The following TFAP4 variants were observed in gnomAD, a reference collection of about 807,000 sequenced individuals.
TFAP4 encodes the protein transcription factor AP-4.
In TFAP4, 7 loss-of-function variants were observed where a neutral mutation model predicts 40.4. The ratio of observed to expected loss-of-function variants is 0.17; its 90% CI spans 0.10 to 0.33. The LOEUF (loss-of-function observed/expected upper bound fraction) is 0.33, where lower values mean the gene tolerates loss of function less well. Among genes scored for constraint, TFAP4 ranks in the 10% least tolerant of loss-of-function variants. TFAP4 has a pLI of 1.00. For synonymous variants in TFAP4, 218 were observed against 181.4 expected (o/e 1.20, Z -1.62); for missense variants, 374 against 451.1 (o/e 0.83, Z 1.55).
At chr16:4,268,660 C>T (rs771766419) in intron 1 of TFAP4, among the ~76,000 whole-genome samples, 2 of 152,072 alleles carry the variant, frequency 1.3e-5, no homozygotes, top group African/African-American at 2.4e-5. Flanking sequence ...GGCATGATCT[C>T]GGCTTACTGT....
At chr16:4,258,934 C>G (rs535430305) in intron 6 of TFAP4, 1 of 151,766 alleles carries the variant, frequency 6.6e-6, no homozygotes, top group Non-Finnish European at 1.5e-5. Context: ...ACTAAAAATA[C>G]AAAATTTGCC....
chr16:4,265,625 A>AAAG (rs2052988167), intron 1 of TFAP4: 1 of 151,214 alleles, frequency 6.6e-6, no homozygotes, highest in Non-Finnish European at 1.5e-5. Flanking sequence ...AAAAAAAAAA[A>AAAG]AAAAAAAAAA....
intron 1 of TFAP4, among the ~76,000 whole-genome samples, chr16:4,271,219 A>T (rs541037398): frequency 5.1e-4 from 77 of 152,318 alleles, no homozygotes; most frequent in African/African-American, 1.8e-3. Context: ...AGGGTTGGGC[A>T]GGAGTGTCTA....
chr16:4,266,904 C>G (rs1237789558), intron 1 of TFAP4: 2 of 152,270 alleles, frequency 1.3e-5, no homozygotes, highest in Non-Finnish European at 2.9e-5. Flanking sequence ...CTCTATTGCC[C>G]AGGCTGGAGT....
intron 1 of TFAP4, among the ~76,000 whole-genome samples, chr16:4,271,059 T>C (rs1037843322): frequency 6.6e-6 from 1 of 152,276 alleles, no homozygotes; most frequent in African/African-American, 2.4e-5. Context: ...GAATTTTTTT[T>C]ACTTATTATT....
intron 1 of TFAP4, chr16:4,265,740 G>A (rs2052989730): frequency 2.0e-5 from 3 of 152,066 alleles, no homozygotes; most frequent in Admixed American, 2.0e-4. Context: ...CCAGTGGGGT[G>A]GCCGAGATTA....
rs60341751 is a variant in TFAP4, at chr16:4,260,462, C to A, written c.659G>T (p.Arg220Leu). The change falls in exon 5 of 7, where the codon CGG becomes CTG. Residue 220 changes from arginine to leucine, a missense_variant. By Grantham distance (102) the Arg-to-Leu change is moderately radical. Transcript: ENST00000204517. ...CGGGCGCCTCCTGCTCACCTGGGTC[C>A]GCAGCTGCTGCTGTTCCCGCTCCAG... Reference protein sequence around the residue: ...EKLEREQQQLRTQLLPPPAPT... With the variant: ...EKLEREQQQLLTQLLPPPAPT... The A allele has an allele frequency of 6.9e-6, 11 of 1,589,834 alleles. No individual in the cohort carries two copies. The South Asian group carries it at 1.1e-4, about 16-fold the overall frequency.
At position 4,260,464 on chromosome 16, in the gene TFAP4, C is replaced by A. The variant is rs748246936; in HGVS notation, c.657G>T (p.Leu219=). Residue 219 remains leucine, a synonymous_variant, in exon 5 of 7, where the codon CTG becomes CTT. Coordinates refer to ENST00000204517, the MANE Select transcript of TFAP4 (RefSeq NM_003223.3). ...GGCGCCTCCTGCTCACCTGGGTCCG[C>A]AGCTGCTGCTGTTCCCGCTCCAGCT... ...QEKLEREQQQ[L]RTQLLPPPAP... The A allele has an allele frequency of 6.3e-7, 1 of 1,592,186 alleles. No homozygotes were observed. Among genetic ancestry groups the A allele is most frequent in the Middle Eastern group, 1.7e-4 (1 of 5,934 alleles).
At chr16:4,260,631 C>G in intron 4 of TFAP4, 36 bp from the exon 5 acceptor site, 1 of 1,554,626 alleles carries the variant, frequency 6.4e-7, no homozygotes, top group Non-Finnish European at 8.7e-7. Context: ...GGGCCAAGGC[C>G]GGGAGCACAC....
At chr16:4,270,289 G>T (rs578192164) in intron 1 of TFAP4, among the ~76,000 whole-genome samples, 1 of 152,322 alleles carries the variant, frequency 6.6e-6, no homozygotes, top group South Asian at 2.1e-4. Context: ...TTAGGCGACA[G>T]GTCCAAAACC....
chr16:4,271,059 TA>T (rs895310240), intron 1 of TFAP4, among the ~76,000 whole-genome samples: 2 of 152,276 alleles, frequency 1.3e-5, no homozygotes, highest in African/African-American at 4.8e-5. Context: ...GAATTTTTTT[TA>T]CTTATTATTA....
rs750181453 is a variant in TFAP4 at position 4,260,450 on chromosome 16, C to T, written c.666+5G>A. On this transcript the variant is annotated splice_donor_5th_base_variant and intron_variant, in intron 5 of 6. Transcript: ENST00000204517. ...AGAGCCCACTCCCGGGCGCCTCCTG[C>T]TCACCTGGGTCCGCAGCTGCTGCTG... 2.5e-6 allele frequency: 4 copies of T among 1,576,456 alleles called. No homozygotes were observed. The African/African-American group carries it at 5.4e-5, about 21-fold the overall frequency.
intron 1 of TFAP4, 56 bp downstream of exon 1, chr16:4,272,602 G>A (rs1457687592): frequency 1.5e-5 from 22 of 1,428,756 alleles, no homozygotes; most frequent in Non-Finnish European, 1.4e-5. Context: ...CCGCCCGGGC[G>A]GGCTGGCCGG....
Position 4,257,851 on chromosome 16 carries a change from G to C in TFAP4, c.*204C>G. The C allele has an allele frequency of 3.8e-6, 2 of 532,030 alleles. No individual in the cohort carries two copies. Among genetic ancestry groups the C allele is most frequent in the Non-Finnish European group, 3.2e-6 (1 of 308,216 alleles). 33.0% of individuals were successfully genotyped at this position (532,030 alleles called of 1,614,324 possible). A position where few individuals can be genotyped will look rare whatever the true frequency, so the allele number is the denominator to read the frequency against. On this transcript the variant is annotated 3_prime_UTR_variant, in exon 7 of 7. Transcript: ENST00000204517. Reference sequence around the variant, plus strand: ...CCCTGGGGTGCCGATGCTCCCACACGCTCTGCGACACCCCAGCCCCGGGAC... The same window carrying C: ...CCCTGGGGTGCCGATGCTCCCACACCCTCTGCGACACCCCAGCCCCGGGAC...
chr16:4,258,045 G>T lies in TFAP4; in HGVS notation c.*10C>A, dbSNP rs536555461. ...AGCCCCCAGAAGGGAGAGGAGGGCT[G>T]GGGGGGTAGTCAGGGAAGCTCCCCG... On this transcript the variant is annotated 3_prime_UTR_variant, in exon 7 of 7. Coordinates refer to ENST00000204517, the MANE Select transcript of TFAP4 (RefSeq NM_003223.3). 8.7e-5 allele frequency: 140 copies of T among 1,603,566 alleles called. No homozygotes were observed. In the East Asian group the frequency reaches 9.6e-4, roughly 11 times the overall value.
Position 4,260,517 on chromosome 16 carries a change from CCTG to C in TFAP4, c.601_603del (p.Gln201del), listed in dbSNP as rs763806202. On this transcript the variant is annotated inframe_deletion, in exon 5 of 7. Transcript: ENST00000204517. ...TCCTGGTGCAGCAGCCTCACCTGTTCCTGCTGCTGCTGCAGCTGCACCTGCTGC... is the reference window on the plus strand; with the variant it reads ...TCCTGGTGCAGCAGCCTCACCTGTTCCTGCTGCTGCAGCTGCACCTGCTGC... The C allele has an allele frequency of 6.2e-7, 1 of 1,610,142 alleles. No individual in the cohort carries two copies. Among genetic ancestry groups the C allele is most frequent in the Admixed American group, 1.7e-5 (1 of 59,640 alleles).
At chr16:4,269,683 G>A (rs2053026021) in intron 1 of TFAP4, among the ~76,000 whole-genome samples, 1 of 151,444 alleles carries the variant, frequency 6.6e-6, no homozygotes, top group South Asian at 2.1e-4. Context: ...GGTGGAGCGG[G>A]CCTGTAGTCC....
intron 4 of TFAP4, 93 bp downstream of exon 4, chr16:4,261,686 G>T: frequency 1.5e-6 from 2 of 1,373,994 alleles, no homozygotes; most frequent in Admixed American, 2.9e-5. Context: ...CCTGTAAATA[G>T]GGCTCCACCG....
In TFAP4 at chr16:4,262,441, CGA is replaced by C; in HGVS notation, c.256-21_256-20del. 6.2e-7 allele frequency: 1 copy of C among 1,614,010 alleles called. No homozygotes were observed. The highest frequency in any genetic ancestry group is 1.3e-5 in the African/African-American group (1 of 75,030). Reference sequence around the variant, plus strand: ...TGGCTGCCTGAGGGCGTGGAAAAGCCGAGAGTCAGGCTGGCAGTGTTTACCAG... The same window carrying C: ...TGGCTGCCTGAGGGCGTGGAAAAGCCGAGTCAGGCTGGCAGTGTTTACCAG... On this transcript the variant is annotated intron_variant, in intron 2 of 6. Coordinates refer to ENST00000204517, the MANE Select transcript of TFAP4 (RefSeq NM_003223.3).
Sources: allele counts gnomAD v4.1 joint callset (sites outside exome capture counted in the v4.1 genomes callset), GRCh38; gene constraint gnomAD v4.1.1; transcripts MANE v1.5; gene names NCBI Gene and HGNC (gene_info 2026-07-23, HGNC 2026-07-21).